Variants in DPH6 observed in about 807,000 individuals in gnomAD.
DPH6 encodes diphthine--ammonia ligase.
Under a neutral mutation model 38.2 loss-of-function variants are expected in DPH6, and 33 were observed. The ratio of observed to expected loss-of-function variants is 0.86; its 90% CI spans 0.65 to 1.15. The LOEUF (loss-of-function observed/expected upper bound fraction) is 1.15. Among genes scored for constraint, DPH6 ranks in the 50% most tolerant of loss-of-function variants. The pLI is 0.00. For synonymous variants in DPH6, 108 were observed against 103.0 expected (o/e 1.05, Z -0.30); for missense variants, 325 against 320.0 (o/e 1.02, Z -0.12).
intron 3 of DPH6, among the ~76,000 whole-genome samples, chr15:35,508,408 C>T (rs142364443): frequency 8.7e-4 from 133 of 152,160 alleles, no homozygotes; most frequent in African/African-American, 3.0e-3. Context: ...GGCTTCTTTA[C>T]GAGGCATAAA....
chr15:35,399,286 A>C (rs1330732265), intron 6 of DPH6, among the ~76,000 whole-genome samples: 1 of 152,204 alleles, frequency 6.6e-6, no homozygotes, highest in East Asian at 1.9e-4. Flanking sequence ...CAAAAAAATA[A>C]GCTTTTAAAC....
intron 3 of DPH6, among the ~76,000 whole-genome samples, chr15:35,343,958 C>T (rs572108331): frequency 6.6e-6 from 1 of 152,116 alleles, no homozygotes; most frequent in Admixed American, 6.5e-5. Context: ...GGCCACTCAA[C>T]TAACATCAGT....
At chr15:35,215,319 A>C (rs2051405206), downstream of DPH6, among the ~76,000 whole-genome samples, 1 of 152,246 alleles carries the variant, frequency 6.6e-6, no homozygotes, top group African/African-American at 2.4e-5. Context: ...TCATAAAAGT[A>C]TGCAATACCA....
At chr15:35,476,069 A>T (rs1227035196) in intron 3 of DPH6, among the ~76,000 whole-genome samples, 1 of 151,850 alleles carries the variant, frequency 6.6e-6, no homozygotes, top group African/African-American at 2.4e-5. Flanking sequence ...AATTTATAAA[A>T]ATTTTAAAAA....
the DPH6 span, among the ~76,000 whole-genome samples, chr15:35,177,138 T>C: frequency 0.17 from 26,057 of 152,088 alleles, 2,674 homozygotes; most frequent in East Asian, 0.38. Flanking sequence ...CTCATATCCC[T>C]TGCATTCTGG....
intron 3 of DPH6, among the ~76,000 whole-genome samples, chr15:35,502,012 A>C (rs1271357404): frequency 1.3e-5 from 2 of 152,162 alleles, no homozygotes; most frequent in Middle Eastern, 3.2e-3. Context: ...ATGATGCTTT[A>C]GTTTTTCTAA....
At chr15:35,293,097 T>G (rs1002823166) in intron 3 of DPH6, among the ~76,000 whole-genome samples, 2 of 152,218 alleles carry the variant, frequency 1.3e-5, no homozygotes, top group African/African-American at 4.8e-5. Flanking sequence ...TTCTACAGCA[T>G]AGAGAGCACA....
chr15:35,303,055 G>A (rs2052064840), intron 3 of DPH6, among the ~76,000 whole-genome samples: 2 of 152,086 alleles, frequency 1.3e-5, no homozygotes, highest in Admixed American at 1.3e-4. Flanking sequence ...ACCCCAAAGG[G>A]TTGAGTTTCC....
intron 3 of DPH6, among the ~76,000 whole-genome samples, chr15:35,523,046 CA>C (rs1330065551): frequency 3.9e-5 from 6 of 151,924 alleles, no homozygotes; most frequent in African/African-American, 1.4e-4. Context: ...ATAAATTCCC[CA>C]AAGTGGAATT....
intron 5 of DPH6, among the ~76,000 whole-genome samples, chr15:35,430,743 G>A (rs2053622885): frequency 2.0e-5 from 3 of 152,132 alleles, no homozygotes; most frequent in South Asian, 2.1e-4. Context: ...TGCATTTCCT[G>A]TAATTTTCAA....
chr15:35,546,028 A>G, intron 1 of DPH6, 91 bp downstream of exon 1: 1 of 1,176,870 alleles, frequency 8.5e-7, no homozygotes, highest in Admixed American at 3.8e-5. Flanking sequence ...CGCGACTCAG[A>G]CGGAGACACC....
rs566373888 is a variant in DPH6 at position 35,284,021 on chromosome 15, C to T, written n.201-63439G>A. ...AAAATCCATTACTTTTAATCCAGTT[C>T]GGAGGGGCCAACAGGACAGAACACT... On this transcript the variant is annotated intron_variant and non_coding_transcript_variant, in intron 3 of 3. Coordinates refer to the DPH6 transcript ENST00000560386. Among the ~76,000 whole-genome samples the T allele has an allele frequency of 4.6e-5, 7 of 152,186 alleles. No individual in the cohort carries two copies. The South Asian group carries it at 8.3e-4, about 18-fold the overall frequency.
chr15:35,355,614 C>A (rs2052552736), intron 3 of DPH6, among the ~76,000 whole-genome samples: 1 of 152,154 alleles, frequency 6.6e-6, no homozygotes, highest in Non-Finnish European at 1.5e-5. Flanking sequence ...AATATTGGCC[C>A]CCACTCTCTT....
intron 6 of DPH6, among the ~76,000 whole-genome samples, chr15:35,405,431 T>C (rs2140985182): frequency 6.6e-6 from 1 of 152,236 alleles, no homozygotes; most frequent in South Asian, 2.1e-4. Flanking sequence ...ATTTCTTTGG[T>C]CAATTCCTGG....
intron 3 of DPH6, chr15:35,282,962 C>A: frequency 3.3e-6 from 1 of 302,892 alleles, no homozygotes. Context: ...CAGGCTTGGC[C>A]TGCACATCTT....
At chr15:35,422,970 AC>A (rs1221266249) in intron 5 of DPH6, among the ~76,000 whole-genome samples, 1 of 151,926 alleles carries the variant, frequency 6.6e-6, no homozygotes, top group Non-Finnish European at 1.5e-5. Flanking sequence ...ATTGATATAC[AC>A]TTAGGCTGTT....
chr15:35,238,933 C>T (rs149150782), intron 3 of DPH6, among the ~76,000 whole-genome samples: 4,977 of 147,536 alleles, frequency 0.034, 209 homozygotes, highest in African/African-American at 0.098. Context: ...TCCTATAAAA[C>T]GGCCCCACCC....
chr15:35,295,590 T>C lies in DPH6; in HGVS notation n.201-75008A>G, dbSNP rs76006131. On this transcript the variant is annotated intron_variant and non_coding_transcript_variant, in intron 3 of 3. Coordinates refer to the DPH6 transcript ENST00000560386. ...TTGATGGCTTCCACATCTAGGTAGA[T>C]AATCCATCTGACACTGTGGACTCTC... 7.4e-3 allele frequency among the ~76,000 whole-genome samples: 1,124 copies of C among 152,312 alleles called. 3 individuals carry two copies. The highest frequency in any genetic ancestry group is 0.015 in the South Asian group (72 of 4,822).
intron 3 of DPH6, among the ~76,000 whole-genome samples, chr15:35,478,404 C>CACACAT (rs1337564814): frequency 3.6e-4 from 49 of 136,336 alleles, no homozygotes; most frequent in East Asian, 2.4e-3. Flanking sequence ...CACACACACA[C>CACACAT]AAAGATTGTA....
Sources: gnomAD v4.1 joint callset for allele counts (sites outside exome capture counted in the v4.1 genomes callset) on GRCh38, gnomAD v4.1.1 for gene constraint, MANE v1.5 for transcripts, NCBI Gene and HGNC (gene_info 2026-07-23, HGNC 2026-07-21) for gene names.